The following SMYD3 variants were observed in gnomAD, a reference collection of about 807,000 sequenced individuals.
SMYD3 encodes SET and MYND domain containing 3.
Under a neutral mutation model 57.7 loss-of-function variants are expected in SMYD3, and 36 were observed. That is an observed-to-expected ratio of 0.62 (90% CI 0.48 to 0.82). The LOEUF is 0.82. SMYD3 is among the 40% of genes least tolerant of loss of function. The pLI, the probability that SMYD3 is intolerant of heterozygous loss-of-function variation, is 0.00. For synonymous variants in SMYD3, 211 were observed against 195.0 expected (o/e 1.08, Z -0.68); for missense variants, 515 against 538.8 (o/e 0.96, Z 0.44).
At chr1:245,897,431 A>G (rs1040043987) in intron 8 of SMYD3, among the ~76,000 whole-genome samples, 3 of 152,254 alleles carry the variant, frequency 2.0e-5, no homozygotes, top group African/African-American at 4.8e-5. Flanking sequence ...TAAGAAATGT[A>G]AAAGCCCATT....
intron 1 of SMYD3, among the ~76,000 whole-genome samples, chr1:246,426,385 A>C (rs1422932911): frequency 1.3e-5 from 2 of 152,186 alleles, no homozygotes; most frequent in Non-Finnish European, 2.9e-5. Context: ...AGAAACCTTT[A>C]GGCCCATTAG....
intron 5 of SMYD3, among the ~76,000 whole-genome samples, chr1:246,323,635 T>C (rs923991145): frequency 1.3e-5 from 2 of 152,196 alleles, no homozygotes; most frequent in African/African-American, 2.4e-5. Context: ...GCAAGTTTGA[T>C]AAAGATATGC....
intron 1 of SMYD3, among the ~76,000 whole-genome samples, chr1:246,443,835 C>T (rs903422524): frequency 5.3e-5 from 8 of 152,138 alleles, no homozygotes; most frequent in African/African-American, 1.9e-4. Context: ...AATATGTCCA[C>T]CAAACAATCT....
intron 5 of SMYD3, among the ~76,000 whole-genome samples, chr1:246,097,659 G>A (rs2060939382): frequency 6.6e-6 from 1 of 151,892 alleles, no homozygotes. Context: ...CTTTCACCGA[G>A]AGGGCTGTAC....
At chr1:245,977,894 T>C (rs553450404) in intron 5 of SMYD3, among the ~76,000 whole-genome samples, 5 of 152,292 alleles carry the variant, frequency 3.3e-5, no homozygotes, top group East Asian at 1.9e-4. Flanking sequence ...CTGTGTTGTG[T>C]CTATGTATAC....
chr1:245,838,738 A>G (rs1008688380), intron 10 of SMYD3, among the ~76,000 whole-genome samples: 1 of 152,218 alleles, frequency 6.6e-6, no homozygotes, highest in African/African-American at 2.4e-5. Context: ...CTCAAATAAG[A>G]GGTACGTATA....
intron 1 of SMYD3, among the ~76,000 whole-genome samples, chr1:246,358,152 A>G (rs2065934611): frequency 6.6e-6 from 1 of 152,194 alleles, no homozygotes; most frequent in African/African-American, 2.4e-5. Flanking sequence ...ACCAAAAGTA[A>G]GCAGGAGTAG....
intron 5 of SMYD3, among the ~76,000 whole-genome samples, chr1:246,188,553 G>T (rs1045362277): frequency 2.0e-5 from 3 of 151,930 alleles, no homozygotes; most frequent in African/African-American, 7.3e-5. Flanking sequence ...CAGAAACTCT[G>T]AACAAGTTTG....
chr1:246,363,689 A>G (rs1337166540), intron 1 of SMYD3, among the ~76,000 whole-genome samples: 1 of 152,142 alleles, frequency 6.6e-6, no homozygotes, highest in African/African-American at 2.4e-5. Context: ...AGGGCTGTGC[A>G]AGATGTGCTT....
chr1:246,034,792 C>T (rs141475960), intron 5 of SMYD3, among the ~76,000 whole-genome samples: 43 of 152,214 alleles, frequency 2.8e-4, no homozygotes, highest in African/African-American at 9.1e-4. Context: ...TCTGGAGGAC[C>T]GCGGCAATCC....
intron 10 of SMYD3, among the ~76,000 whole-genome samples, chr1:245,817,976 G>A (rs1310381227): frequency 1.3e-5 from 2 of 152,162 alleles, no homozygotes; most frequent in Admixed American, 6.5e-5. Context: ...GCACTCTGCA[G>A]GATATTATCC....
In SMYD3 at chr1:246,173,218, T is replaced by C. The variant is rs187665357; in HGVS notation, c.531+153983A>G. 3.3e-4 allele frequency among the ~76,000 whole-genome samples: 50 copies of C among 151,900 alleles called. 1 individual carries two copies. The East Asian group carries it at 8.8e-3, about 27-fold the overall frequency. On this transcript the variant is annotated intron_variant, in intron 5 of 11. Coordinates refer to ENST00000490107, the MANE Select transcript of SMYD3 (RefSeq NM_001167740.2). ...CTAGAACACTCACTGTACTCTACTG[T>C]AGACTTCATCAACACTACACACTTA...
chr1:245,800,750 C>A (rs1253787114), intron 10 of SMYD3, among the ~76,000 whole-genome samples: 1 of 152,172 alleles, frequency 6.6e-6, no homozygotes, highest in Non-Finnish European at 1.5e-5. Context: ...CATCCCAACA[C>A]CATCCATGGG....
chr1:245,983,323 A>G (rs1218988475), intron 5 of SMYD3, among the ~76,000 whole-genome samples: 5 of 152,228 alleles, frequency 3.3e-5, no homozygotes, highest in Non-Finnish European at 7.3e-5. Flanking sequence ...CAGCAAATTC[A>G]TTATTTCCCC....
At chr1:246,223,339 G>A (rs2063283889) in intron 5 of SMYD3, among the ~76,000 whole-genome samples, 1 of 152,122 alleles carries the variant, frequency 6.6e-6, no homozygotes, top group Non-Finnish European at 1.5e-5. Flanking sequence ...GGTGGTAGGG[G>A]ATGACAGAAA....
chr1:246,145,681 G>T (rs2061831700), intron 5 of SMYD3, among the ~76,000 whole-genome samples: 1 of 152,114 alleles, frequency 6.6e-6, no homozygotes, highest in South Asian at 2.1e-4. Flanking sequence ...CTCTTAAATT[G>T]ACTTTCCGAC....
intron 5 of SMYD3, among the ~76,000 whole-genome samples, chr1:245,972,732 G>T (rs1405006924): frequency 6.6e-6 from 1 of 152,174 alleles, no homozygotes; most frequent in East Asian, 1.9e-4. Context: ...GGCCCTGCTG[G>T]GCTCCTTTTT....
In SMYD3 at chr1:246,134,660, A is replaced by C. The variant is rs550298506; in HGVS notation, c.531+192541T>G. Among the ~76,000 whole-genome samples the C allele has an allele frequency of 3.5e-4, 54 of 152,160 alleles. 1 individual carries two copies. The highest frequency in any genetic ancestry group is 1.2e-3 in the African/African-American group (51 of 41,562). On this transcript the variant is annotated intron_variant, in intron 5 of 11. Coordinates refer to ENST00000490107, the MANE Select transcript of SMYD3 (RefSeq NM_001167740.2). ...ACCACTAGTCTATTCCCAAATGTCC[A>C]TCATATTATTTAAATATAAGCAGCA...
chr1:246,469,756 T>C (rs942134874), intron 1 of SMYD3, among the ~76,000 whole-genome samples: 1 of 152,156 alleles, frequency 6.6e-6, no homozygotes, highest in Non-Finnish European at 1.5e-5. Flanking sequence ...CAATCAATAA[T>C]AGATGTTAAC....
Sources: allele counts gnomAD v4.1 joint callset (sites outside exome capture counted in the v4.1 genomes callset), GRCh38; gene constraint gnomAD v4.1.1; transcripts MANE v1.5; gene names NCBI Gene and HGNC (gene_info 2026-07-23, HGNC 2026-07-21).